Variants in THAP4 observed in about 807,000 individuals in gnomAD.
The protein encoded by THAP4 is THAP domain containing 4.
Under a neutral mutation model 48.1 loss-of-function variants are expected in THAP4, and 18 were observed. The observed-to-expected ratio is 0.37, with a 90% CI of 0.26 to 0.56. The LOEUF is 0.56. Ranked by LOEUF, THAP4 falls within the 20% of genes least tolerant of loss-of-function variation. The pLI is 0.78. For missense variants in THAP4, 656 were observed against 774.9 expected (o/e 0.85, Z 1.82); for synonymous variants, 345 against 324.9 (o/e 1.06, Z -0.66).
At chr2:241,618,848 C>T (rs1280490714) in intron 2 of THAP4, among the ~76,000 whole-genome samples, 1 of 152,088 alleles carries the variant, frequency 6.6e-6, no homozygotes, top group East Asian at 1.9e-4. Context: ...CACCTCATGT[C>T]TCTGGGATGA....
intron 4 of THAP4, 97 bp from the exon 5 acceptor site, chr2:241,602,096 G>GC: frequency 3.4e-6 from 4 of 1,169,248 alleles, no homozygotes; most frequent in Non-Finnish European, 4.9e-6. Context: ...TCCACAGGAG[G>GC]CCCCAACTCT....
intron 1 of THAP4, among the ~76,000 whole-genome samples, chr2:241,634,360 C>T (rs2067610789): frequency 6.6e-6 from 1 of 152,132 alleles, no homozygotes; most frequent in African/African-American, 2.4e-5. Context: ...TGGTAAATGC[C>T]CAATGGGGAC....
At chr2:241,625,251 A>C (rs907572459) in intron 2 of THAP4, among the ~76,000 whole-genome samples, 3 of 152,064 alleles carry the variant, frequency 2.0e-5, no homozygotes, top group Non-Finnish European at 4.4e-5. Flanking sequence ...AAGCTGGGAG[A>C]ATCACTTGGA....
chr2:241,617,302 C>A (rs2067360305), intron 2 of THAP4: 2 of 808,598 alleles, frequency 2.5e-6, no homozygotes, highest in South Asian at 3.1e-5. Flanking sequence ...TTTCTGATTT[C>A]ATTTTTCTTT....
At chr2:241,630,087 C>A (rs2067538384) in intron 2 of THAP4, among the ~76,000 whole-genome samples, 1 of 152,154 alleles carries the variant, frequency 6.6e-6, no homozygotes, top group Non-Finnish European at 1.5e-5. Flanking sequence ...GACCTTAATG[C>A]AATCAAATTT....
chr2:241,622,518 G>A (rs1283927513), intron 2 of THAP4, among the ~76,000 whole-genome samples: 4 of 152,248 alleles, frequency 2.6e-5, no homozygotes, highest in African/African-American at 4.8e-5. Context: ...TGTAAAAAAA[G>A]GGAGAGCATC....
chr2:241,633,814 G>GT lies in THAP4; in HGVS notation c.342dup (p.His115ThrfsTer38). ...CCTCTGCTGGTGGCGGCACTCGAGT[G>GT]TCCCCTCACACCCCCTGTGGCCTTG... is the stretch of plus-strand genomic sequence containing the variant. On this transcript the variant is annotated frameshift_variant, in exon 2 of 6. Coordinates refer to ENST00000407315, the MANE Select transcript of THAP4 (RefSeq NM_015963.6). LOFTEE classifies it high-confidence loss of function. This position sits in a 1 kb window ranked among gnomAD's most constrained non-coding sequence, Gnocchi z 7.5. The GT allele has an allele frequency of 6.2e-7, 1 of 1,613,764 alleles. No homozygotes were observed. Among genetic ancestry groups the GT allele is most frequent in the Non-Finnish European group, 8.5e-7 (1 of 1,179,760 alleles).
chr2:241,613,943 G>C (rs2067308337), intron 2 of THAP4, among the ~76,000 whole-genome samples: 1 of 152,110 alleles, frequency 6.6e-6, no homozygotes, highest in Non-Finnish European at 1.5e-5. Context: ...CTTGAGTCCA[G>C]AAATTCGAGA....
In THAP4 at chr2:241,606,457, G is replaced by T; in HGVS notation, c.1257C>A (p.Asn419Lys). 1 of 1,606,716 alleles carries T rather than the reference G, an allele frequency of 6.2e-7. No homozygotes were observed. The highest frequency in any genetic ancestry group is 8.5e-7 in the Non-Finnish European group (1 of 1,176,580). Residue 419 changes from asparagine to lysine, a missense_variant, in exon 3 of 6, where the codon AAC becomes AAA. Physicochemically the swap from Asn to Lys is moderately conservative, Grantham distance 94 (BLOSUM62 0). This residue lies in a region of THAP4 where 176 missense variants were observed against 256.7 expected (regional missense o/e 0.69). Coordinates refer to ENST00000407315, the MANE Select transcript of THAP4 (RefSeq NM_015963.6). Reference protein sequence around the residue: ...LSPSREPPKMNPVVEPLSWML... With the variant: ...LSPSREPPKMKPVVEPLSWML... ...TCCAGGACAGTGGCTCCACCACTGG[G>T]TTCATCTTGGGGGGCTCTGAGGACA...
intron 2 of THAP4, among the ~76,000 whole-genome samples, chr2:241,623,972 G>A (rs936077514): frequency 1.3e-5 from 2 of 152,084 alleles, no homozygotes; most frequent in African/African-American, 4.8e-5. Flanking sequence ...ACTGGAGTTC[G>A]TGCACATCCC....
intron 2 of THAP4, among the ~76,000 whole-genome samples, chr2:241,627,784 C>T (rs2067511961): frequency 1.3e-5 from 2 of 152,166 alleles, no homozygotes; most frequent in Non-Finnish European, 2.9e-5. Context: ...CTCTCCCCAC[C>T]ACACCCTCGC....
Position 241,617,435 on chromosome 2 carries a change from C to T in THAP4, c.1241-10962G>A, listed in dbSNP as rs185191927. 98 of 1,551,472 alleles carry T rather than the reference C, an allele frequency of 6.3e-5. No homozygotes were observed. In the East Asian group the frequency reaches 1.9e-3, roughly 30 times the overall value. ...ACCCATCCCTAAGTTTTCTAAACTC[C>T]GGACACTCGTCAAGGTTCCTCAAGG... On this transcript the variant is annotated intron_variant, in intron 2 of 5. Transcript: ENST00000407315.
chr2:241,606,776 C>T (rs1454133619), intron 2 of THAP4, among the ~76,000 whole-genome samples: 1 of 152,164 alleles, frequency 6.6e-6, no homozygotes, highest in Admixed American at 6.5e-5. Flanking sequence ...CTGTGGGGTG[C>T]AGGTGGTGGG....
intron 2 of THAP4, 132 bp from the exon 3 acceptor site, chr2:241,606,605 G>C: frequency 1.1e-6 from 1 of 888,364 alleles, no homozygotes; most frequent in South Asian, 2.2e-5. Flanking sequence ...CCTGTCAAGA[G>C]CGGGAGAAAA....
chr2:241,608,465 A>G (rs1325686108), intron 2 of THAP4, among the ~76,000 whole-genome samples: 2 of 152,174 alleles, frequency 1.3e-5, no homozygotes, highest in African/African-American at 4.8e-5. Flanking sequence ...GAAGGTGAGG[A>G]TGGGAATATT....
intron 5 of THAP4, among the ~76,000 whole-genome samples, chr2:241,589,150 T>C (rs899197193): frequency 3.3e-5 from 5 of 150,332 alleles, no homozygotes; most frequent in South Asian, 2.1e-4. Context: ...GAGGTAGAGG[T>C]TGCAGTGAGC....
intron 2 of THAP4, among the ~76,000 whole-genome samples, chr2:241,618,015 T>G (rs62193051): frequency 0.78 from 119,313 of 152,182 alleles, 47,746 homozygotes; most frequent in East Asian, 0.95. Context: ...TAGTGACACG[T>G]TGTTTCCTGC....
intron 5 of THAP4, among the ~76,000 whole-genome samples, chr2:241,599,859 T>C (rs1029874335): frequency 1.3e-5 from 2 of 152,172 alleles, no homozygotes; most frequent in African/African-American, 4.8e-5. Flanking sequence ...ACATGTAATA[T>C]ACAGCTGTGA....
intron 2 of THAP4, among the ~76,000 whole-genome samples, chr2:241,611,268 G>A (rs1302661891): frequency 1.3e-5 from 2 of 152,152 alleles, no homozygotes; most frequent in Non-Finnish European, 2.9e-5. Flanking sequence ...TCTGGCCCCC[G>A]CTCTGCCACA....
Sources: allele counts gnomAD v4.1 joint callset (sites outside exome capture counted in the v4.1 genomes callset), GRCh38; gene constraint gnomAD v4.1.1; regional missense constraint gnomAD v4.1.1; non-coding constraint Gnocchi (gnomAD v3.1); transcripts MANE v1.5; gene names NCBI Gene and HGNC (gene_info 2026-07-23, HGNC 2026-07-21).